The following NEDD4L variants were observed in gnomAD, a reference collection of about 807,000 sequenced individuals.
NEDD4L encodes NEDD4 like E3 ubiquitin protein ligase.
In NEDD4L, 54 loss-of-function variants were observed where a neutral mutation model predicts 148.9. That is an observed-to-expected ratio of 0.36 (90% CI 0.29 to 0.45). NEDD4L has a LOEUF of 0.45. NEDD4L is among the 20% of genes least tolerant of loss of function. The pLI is 1.00. For synonymous variants in NEDD4L, 433 were observed against 440.7 expected (o/e 0.98, Z 0.22); for missense variants, 856 against 1,233.8 (o/e 0.69, Z 4.59).
intron 16 of NEDD4L, among the ~76,000 whole-genome samples, chr18:58,347,238 C>T (rs9960929): frequency 0.25 from 27,147 of 108,480 alleles, 4,470 homozygotes; most frequent in Middle Eastern, 0.34. Context: ...TTTAAATCAC[C>T]AGCCTTTTAC....
chr18:58,246,439 T>G (rs2047270511), intron 3 of NEDD4L, among the ~76,000 whole-genome samples: 1 of 152,212 alleles, frequency 6.6e-6, no homozygotes, highest in Admixed American at 6.5e-5. Context: ...ATTAAAAATT[T>G]GTTTCCATAA....
At chr18:58,337,160 T>G (rs998700809) in intron 13 of NEDD4L, among the ~76,000 whole-genome samples, 4 of 152,160 alleles carry the variant, frequency 2.6e-5, no homozygotes, top group African/African-American at 9.7e-5. Flanking sequence ...TTTTCTTGCC[T>G]TCTTGCCTGC....
Position 58,158,214 on chromosome 18 carries a change from T to C in NEDD4L, c.49-7574T>C, listed in dbSNP as rs996853541. Reference sequence around the variant, plus strand: ...TATCGCAGAGATTGCTCCTTGGGGCTGACTGAGTGTCTGCACATCATAGCA... The same window carrying C: ...TATCGCAGAGATTGCTCCTTGGGGCCGACTGAGTGTCTGCACATCATAGCA... On this transcript the variant is annotated intron_variant, in intron 1 of 30. Transcript: ENST00000400345. Among the ~76,000 whole-genome samples the C allele has an allele frequency of 2.0e-5, 3 of 152,260 alleles. 1 individual carries two copies. Among genetic ancestry groups the C allele is most frequent in the Admixed American group, 1.3e-4 (2 of 15,288 alleles).
At chr18:58,112,787 G>A (rs1019681505) in intron 1 of NEDD4L, among the ~76,000 whole-genome samples, 1 of 151,940 alleles carries the variant, frequency 6.6e-6, no homozygotes, top group Admixed American at 6.6e-5. Context: ...ACCATGCCTG[G>A]CCCATTATAT....
At chr18:58,383,710 C>T (rs1284442691) in intron 25 of NEDD4L, among the ~76,000 whole-genome samples, 3 of 152,208 alleles carry the variant, frequency 2.0e-5, no homozygotes, top group Non-Finnish European at 2.9e-5. Flanking sequence ...CTCCCAACTT[C>T]TTTTCCATAA....
rs367988272 is a variant in NEDD4L at position 58,343,075 on chromosome 18, T to C, written c.1547T>C (p.Ile516Thr). The change falls in exon 16 of 31, where the codon ATT (isoleucine) becomes ACT (threonine). Residue 516 changes from isoleucine (I) to threonine (T), a missense_variant. Ile to Thr is a moderately conservative substitution (Grantham distance 89). Transcript: ENST00000400345. ...GCGCCAAACGGCCGGCCCTTCTTCA[T>C]TGATCATAACACAAAGACTACAACC... ...RIAPNGRPFF[I>T]DHNTKTTTWE... 2 of 1,611,190 alleles carry C rather than the reference T, an allele frequency of 1.2e-6. No homozygotes were observed. The highest frequency in any genetic ancestry group is 1.3e-5 in the African/African-American group (1 of 74,888).
intron 1 of NEDD4L, among the ~76,000 whole-genome samples, chr18:58,138,776 A>G (rs999972931): frequency 2.6e-5 from 4 of 152,182 alleles, no homozygotes; most frequent in African/African-American, 9.6e-5. Context: ...TGTGCCTTTT[A>G]TAAGAGTACT....
At chr18:58,242,448 T>A (rs2046748222) in intron 2 of NEDD4L, among the ~76,000 whole-genome samples, 1 of 152,128 alleles carries the variant, frequency 6.6e-6, no homozygotes, top group African/African-American at 2.4e-5. Context: ...AGGAGGAGCC[T>A]GAGAGCAATC....
intron 18 of NEDD4L, among the ~76,000 whole-genome samples, chr18:58,355,602 G>A (rs558399092): frequency 2.6e-5 from 4 of 152,242 alleles, no homozygotes; most frequent in South Asian, 2.1e-4. Context: ...GCTGTACTCC[G>A]TTTCCTTTAT....
chr18:58,063,949 C>CTTTTTTTTTTTTTT (rs58608106), intron 1 of NEDD4L, among the ~76,000 whole-genome samples: 1 of 129,830 alleles, frequency 7.7e-6, no homozygotes, highest in Non-Finnish European at 1.6e-5. Context: ...TATAATGTTT[C>CTTTTTTTTTTTTTT]TTTTTTTTTT....
intron 2 of NEDD4L, among the ~76,000 whole-genome samples, chr18:58,214,407 G>A (rs1414418029): frequency 6.6e-6 from 1 of 152,156 alleles, no homozygotes; most frequent in Non-Finnish European, 1.5e-5. Flanking sequence ...AGATAGAAAT[G>A]TACACTCAGA....
chr18:58,190,424 T>A (rs913509530), intron 2 of NEDD4L, among the ~76,000 whole-genome samples: 1 of 152,240 alleles, frequency 6.6e-6, no homozygotes, highest in Non-Finnish European at 1.5e-5. Context: ...AAGTATTTAA[T>A]GTTATGGAAA....
At chr18:58,069,061 G>T (rs559408715) in intron 1 of NEDD4L, among the ~76,000 whole-genome samples, 39 of 151,526 alleles carry the variant, frequency 2.6e-4, no homozygotes, top group African/African-American at 8.7e-4. Context: ...GCTTGAACCT[G>T]GGAGGTGGAG....
At chr18:58,333,790 T>C in intron 11 of NEDD4L, 28 bp from the exon 12 acceptor site, 1 of 1,567,576 alleles carries the variant, frequency 6.4e-7, no homozygotes. Flanking sequence ...TATTTCTTGA[T>C]GCTTCCTGTC....
At chr18:58,324,100 A>G (rs2059096110) in intron 8 of NEDD4L, among the ~76,000 whole-genome samples, 1 of 152,202 alleles carries the variant, frequency 6.6e-6, no homozygotes. Context: ...TTCATTTACA[A>G]GCCTTCATCT....
chr18:58,193,185 C>T (rs1230664866), intron 2 of NEDD4L, among the ~76,000 whole-genome samples: 1 of 152,214 alleles, frequency 6.6e-6, no homozygotes, highest in Non-Finnish European at 1.5e-5. Context: ...GATTGGAAGA[C>T]AGAAGGTACT....
intron 23 of NEDD4L, chr18:58,371,630 C>G (rs765327535): frequency 4.6e-5 from 7 of 152,722 alleles, no homozygotes; most frequent in Non-Finnish European, 8.8e-5. Context: ...TGAGCTGTGT[C>G]CTCGGCCCTG....
At chr18:58,088,473 T>C (rs553737996) in intron 1 of NEDD4L, among the ~76,000 whole-genome samples, 13 of 152,368 alleles carry the variant, frequency 8.5e-5, no homozygotes, top group African/African-American at 3.1e-4. Flanking sequence ...CTTATTCTTA[T>C]GTTAAGTTGG....
At position 58,256,083 on chromosome 18, in the gene NEDD4L, G is replaced by A; in HGVS notation, c.297+4029G>A. On this transcript the variant is annotated intron_variant, in intron 5 of 30. Transcript: ENST00000400345. This position sits in a 1 kb window ranked among gnomAD's most constrained non-coding sequence, Gnocchi z 5.2. ...AGTGGCTCCCGGGAGCCCTCGCCGAGGGACACCCCCGGGAGCTCCCCTCCG... is the reference window on the plus strand; with the variant it reads ...AGTGGCTCCCGGGAGCCCTCGCCGAAGGACACCCCCGGGAGCTCCCCTCCG... 5 of 1,228,186 alleles carry A rather than the reference G, an allele frequency of 4.1e-6. No individual in the cohort carries two copies. The highest frequency in any genetic ancestry group is 5.1e-6 in the Non-Finnish European group (5 of 985,686). 76.1% of individuals were successfully genotyped at this position (1,228,186 alleles called of 1,614,324 possible).
Sources: gnomAD v4.1 joint callset for allele counts (sites outside exome capture counted in the v4.1 genomes callset) on GRCh38, gnomAD v4.1.1 for gene constraint, Gnocchi (gnomAD v3.1) non-coding constraint, MANE v1.5 for transcripts, NCBI Gene and HGNC (gene_info 2026-07-23, HGNC 2026-07-21) for gene names.